CDH13: variants seen among roughly 807,000 people sequenced by gnomAD.
The protein encoded by CDH13 is cadherin 13.
CDH13 carries 24 observed loss-of-function variants against 63.8 expected under a neutral mutation model. The ratio of observed to expected loss-of-function variants is 0.38; its 90% CI spans 0.27 to 0.53. The LOEUF is 0.53. Ranked by LOEUF, CDH13 falls within the 20% of genes least tolerant of loss-of-function variation. CDH13 has a pLI of 0.85. For synonymous variants in CDH13, 503 were observed against 355.3 expected, an observed-to-expected ratio of 1.42 and a Z score of -4.67; for missense variants, 1,049 against 903.1, an observed-to-expected ratio of 1.16 and a Z score of -2.07.
intron 4 of CDH13, among the ~76,000 whole-genome samples, chr16:83,203,111 C>T (rs950520351): frequency 3.9e-5 from 6 of 152,160 alleles, no homozygotes; most frequent in African/African-American, 1.4e-4. Flanking sequence ...GTAATCTTAG[C>T]TACTTGGGAG....
chr16:82,839,999 C>G (rs1267070924), intron 1 of CDH13, among the ~76,000 whole-genome samples: 1 of 152,106 alleles, frequency 6.6e-6, no homozygotes, highest in Non-Finnish European at 1.5e-5. Context: ...AACTTCTGGA[C>G]TCAAACAGAC....
intron 2 of CDH13, among the ~76,000 whole-genome samples, chr16:82,906,231 C>T (rs1295750771): frequency 6.6e-6 from 1 of 152,050 alleles, no homozygotes; most frequent in East Asian, 1.9e-4. Context: ...GTTCAGGAGC[C>T]CTTTACTAGA....
At chr16:83,341,745 T>G (rs1034368617) in intron 5 of CDH13, among the ~76,000 whole-genome samples, 10 of 152,080 alleles carry the variant, frequency 6.6e-5, no homozygotes, top group Non-Finnish European at 1.3e-4. Flanking sequence ...CCATTCGGAG[T>G]TGAGCAGAGT....
At chr16:83,699,314 A>G (rs1436597059) in intron 10 of CDH13, among the ~76,000 whole-genome samples, 2 of 152,222 alleles carry the variant, frequency 1.3e-5, no homozygotes, top group Non-Finnish European at 2.9e-5. Flanking sequence ...CATTTGTTCA[A>G]CAAACAGCCA....
At chr16:82,839,231 A>G (rs1330770881) in intron 1 of CDH13, among the ~76,000 whole-genome samples, 1 of 152,034 alleles carries the variant, frequency 6.6e-6, no homozygotes, top group Non-Finnish European at 1.5e-5. Context: ...AGCCCCCTCC[A>G]TGTGGCCGCG....
chr16:82,631,807 C>G (rs1192380355), intron 1 of CDH13, among the ~76,000 whole-genome samples: 1 of 152,132 alleles, frequency 6.6e-6, no homozygotes, highest in East Asian at 1.9e-4. Context: ...AAGGACATTT[C>G]TAACTTGAAG....
chr16:83,791,150 C>T (rs9923207), intron 13 of CDH13, among the ~76,000 whole-genome samples: 18,235 of 151,546 alleles, frequency 0.12, 1,726 homozygotes, highest in African/African-American at 0.27. Context: ...AGACCCCCAT[C>T]TCTGAAAAAA....
intron 5 of CDH13, among the ~76,000 whole-genome samples, chr16:83,315,859 CTAGGTTCTAGTGTTA>C (rs1201828599): frequency 6.6e-6 from 1 of 152,070 alleles, no homozygotes; most frequent in East Asian, 1.9e-4. Context: ...AGGAACTATG[CTAGGTTCTAGTGTTA>C]TAGGGAGGTT....
intron 5 of CDH13, among the ~76,000 whole-genome samples, chr16:83,327,896 T>G (rs781267678): frequency 1.3e-5 from 2 of 152,006 alleles, no homozygotes; most frequent in Non-Finnish European, 2.9e-5. Context: ...ACTTTGGGAG[T>G]CCGAAGCGGG....
intron 1 of CDH13, among the ~76,000 whole-genome samples, chr16:82,671,843 CAG>C (rs1177492634): frequency 1.3e-5 from 2 of 152,154 alleles, no homozygotes; most frequent in Non-Finnish European, 2.9e-5. Context: ...CACCATGGGG[CAG>C]ATATGTCCAA....
At chr16:82,906,810 T>C (rs1430233063) in intron 2 of CDH13, among the ~76,000 whole-genome samples, 1 of 152,170 alleles carries the variant, frequency 6.6e-6, no homozygotes, top group Non-Finnish European at 1.5e-5. Flanking sequence ...TGGCATTCCC[T>C]GCAGGTGCAT....
At chr16:82,884,529 A>C (rs2040815420) in intron 2 of CDH13, 2 of 215,110 alleles carry the variant, frequency 9.3e-6, no homozygotes, top group South Asian at 1.7e-4. Context: ...GGAGGGAAGC[A>C]AGAGAAGCCA....
intron 8 of CDH13, among the ~76,000 whole-genome samples, chr16:83,662,815 G>T (rs1051759207): frequency 6.6e-6 from 1 of 152,276 alleles, no homozygotes; most frequent in South Asian, 2.1e-4. Context: ...CCTGCTCAAG[G>T]CAGCTGGAGT....
At chr16:83,728,628 G>A (rs1910703171) in intron 10 of CDH13, among the ~76,000 whole-genome samples, 2 of 152,062 alleles carry the variant, frequency 1.3e-5, no homozygotes, top group South Asian at 2.1e-4. Context: ...CGTGTCTCTC[G>A]GCCTTCAAAG....
intron 7 of CDH13, among the ~76,000 whole-genome samples, chr16:83,500,567 C>T (rs1442395264): frequency 2.8e-5 from 1 of 36,090 alleles, no homozygotes; most frequent in Non-Finnish European, 4.8e-5. Context: ...CTCCCTCCTC[C>T]TCCCTCCTCC....
intron 8 of CDH13, among the ~76,000 whole-genome samples, chr16:83,649,360 C>A (rs1451566111): frequency 1.3e-5 from 2 of 152,202 alleles, no homozygotes; most frequent in African/African-American, 4.8e-5. Flanking sequence ...ACCTTCATTG[C>A]ATTTTTCAAT....
intron 2 of CDH13, among the ~76,000 whole-genome samples, chr16:82,994,941 G>A (rs142770113): frequency 5.3e-5 from 8 of 152,264 alleles, no homozygotes; most frequent in South Asian, 2.1e-4. Flanking sequence ...AACTTGATGC[G>A]GCTCCATTTC....
At chr16:83,292,319 CT>C (rs1323094466) in intron 5 of CDH13, among the ~76,000 whole-genome samples, 4 of 152,128 alleles carry the variant, frequency 2.6e-5, no homozygotes, top group African/African-American at 9.7e-5. Context: ...TTCTGCTCTT[CT>C]TCTCATATTG....
At chr16:83,299,487 A>G (rs1488389113) in intron 5 of CDH13, among the ~76,000 whole-genome samples, 1 of 152,116 alleles carries the variant, frequency 6.6e-6, no homozygotes, top group Non-Finnish European at 1.5e-5. Context: ...TCCATCACTC[A>G]TCTGCTTTTC....
Sources: gnomAD v4.1 joint callset for allele counts (sites outside exome capture counted in the v4.1 genomes callset) on GRCh38, gnomAD v4.1.1 for gene constraint, MANE v1.5 for transcripts, NCBI Gene and HGNC (gene_info 2026-07-23, HGNC 2026-07-21) for gene names.